Variants in SLC23A2 observed in about 807,000 individuals in gnomAD.
SLC23A2 encodes the protein Na(+)/L-ascorbic acid transporter 2.
Under a neutral mutation model 73.3 loss-of-function variants are expected in SLC23A2, and 36 were observed. The ratio of observed to expected loss-of-function variants is 0.49; its 90% CI spans 0.38 to 0.65. The LOEUF is 0.65. Among genes scored for constraint, SLC23A2 ranks in the 30% least tolerant of loss-of-function variants. The probability of loss-of-function intolerance (pLI) is 0.00; values close to 1 mark genes in which losing one functional copy is unlikely to be tolerated. For synonymous variants in SLC23A2, 343 were observed against 327.3 expected (o/e 1.05, Z -0.52); for missense variants, 507 against 841.6 (o/e 0.60, Z 4.92).
At chr20:4,865,832 T>C (rs1366276215) in intron 13 of SLC23A2, among the ~76,000 whole-genome samples, 2 of 152,064 alleles carry the variant, frequency 1.3e-5, no homozygotes, top group African/African-American at 2.4e-5. Flanking sequence ...TTATATATTT[T>C]TTTTTATTTT....
chr20:4,933,343 C>T lies in SLC23A2; in HGVS notation c.-154-627G>A, dbSNP rs150043106. On this transcript the variant is annotated intron_variant, in intron 2 of 16. Transcript: ENST00000338244. Reference sequence around the variant, plus strand: ...AGGTTGCCAGGCGCAGTGGCTCATACCTATACTCCCAGCACTTTGGGAAGC... The same window carrying T: ...AGGTTGCCAGGCGCAGTGGCTCATATCTATACTCCCAGCACTTTGGGAAGC... Among the ~76,000 whole-genome samples the T allele has an allele frequency of 3.5e-4, 53 of 152,096 alleles. No individual in the cohort carries two copies. In the East Asian group the frequency reaches 9.8e-3, roughly 28 times the overall value.
chr20:4,996,981 A>G (rs566642263), intron 1 of SLC23A2, among the ~76,000 whole-genome samples: 2 of 152,212 alleles, frequency 1.3e-5, no homozygotes, highest in African/African-American at 4.8e-5. Context: ...ACAACTTAAC[A>G]TGGCCTAAAC....
intron 2 of SLC23A2, among the ~76,000 whole-genome samples, chr20:4,961,036 G>C (rs2087373611): frequency 6.6e-6 from 1 of 152,048 alleles, no homozygotes; most frequent in African/African-American, 2.4e-5. Flanking sequence ...CAGACAGGAA[G>C]GAGGCTTATT....
At chr20:4,879,032 T>G (rs555023438) in intron 9 of SLC23A2, among the ~76,000 whole-genome samples, 5 of 152,338 alleles carry the variant, frequency 3.3e-5, no homozygotes, top group African/African-American at 1.2e-4. Flanking sequence ...CAAGCTTATT[T>G]AAGTTCCTGA....
chr20:4,930,224 T>TA (rs2122937820), intron 3 of SLC23A2, among the ~76,000 whole-genome samples: 1 of 152,182 alleles, frequency 6.6e-6, no homozygotes, highest in East Asian at 1.9e-4. Context: ...GGCTGTAAGA[T>TA]AAAATAAAGC....
At chr20:4,881,661 T>A (rs1846138052) in intron 9 of SLC23A2, among the ~76,000 whole-genome samples, 1 of 152,200 alleles carries the variant, frequency 6.6e-6, no homozygotes. Flanking sequence ...TCTGTATCTT[T>A]ATTAATTCGT....
At position 4,857,283 on chromosome 20, in the gene SLC23A2, TACACACAC is replaced by T. The variant is rs398035250; in HGVS notation, c.1721-87_1721-80del. ...GAAAATGAAACTGTCGTCAAACACA[TACACACAC>T]ACACACACACACACACACACACACA... On this transcript the variant is annotated intron_variant, in intron 16 of 16. Transcript: ENST00000338244. The surrounding 1 kb of genome is among the most constrained non-coding windows in gnomAD (Gnocchi z 4.0). 31,644 of 418,564 alleles carry T rather than the reference TACACACAC, an allele frequency of 0.076. 437 individuals carry two copies. Among genetic ancestry groups the T allele is most frequent in the Admixed American group, 0.087 (2,152 of 24,724 alleles). 25.9% of individuals were successfully genotyped at this position (418,564 alleles called of 1,614,324 possible). A position where few individuals can be genotyped will look rare whatever the true frequency, so the allele number is the denominator to read the frequency against.
intron 2 of SLC23A2, among the ~76,000 whole-genome samples, chr20:4,939,639 A>G (rs1427721986): frequency 6.6e-6 from 1 of 152,208 alleles, no homozygotes; most frequent in Admixed American, 6.5e-5. Context: ...TGGTTTTTAC[A>G]TGTTTAAAGG....
intron 11 of SLC23A2, among the ~76,000 whole-genome samples, chr20:4,873,290 G>T (rs1430130937): frequency 2.0e-5 from 3 of 152,072 alleles, no homozygotes. Flanking sequence ...CCAGACGCCG[G>T]GACTAGAGTC....
intron 3 of SLC23A2, among the ~76,000 whole-genome samples, chr20:4,913,751 C>T (rs1352533546): frequency 2.6e-5 from 4 of 151,884 alleles, no homozygotes; most frequent in East Asian, 1.9e-4. Context: ...CTCAGCCTCC[C>T]GAGTAGCTGG....
At chr20:4,925,105 C>A (rs960194303) in intron 3 of SLC23A2, among the ~76,000 whole-genome samples, 3 of 151,932 alleles carry the variant, frequency 2.0e-5, no homozygotes, top group African/African-American at 7.3e-5. Context: ...ATGGCTTAAA[C>A]CCAGGAGGTT....
chr20:4,971,299 AAC>A (rs35758430), intron 1 of SLC23A2, among the ~76,000 whole-genome samples: 13,647 of 141,586 alleles, frequency 0.096, 1,288 homozygotes, highest in African/African-American at 0.26. Flanking sequence ...GTCTCTACAA[AAC>A]ACACACACAC....
At chr20:4,945,623 A>C (rs79964405) in intron 2 of SLC23A2, among the ~76,000 whole-genome samples, 1 of 152,204 alleles carries the variant, frequency 6.6e-6, no homozygotes, top group African/African-American at 2.4e-5. Flanking sequence ...ACCTACTAGT[A>C]GGTCATGAAA....
At chr20:4,859,513 T>C in intron 15 of SLC23A2, 129 bp from the exon 16 acceptor site, 1 of 700,492 alleles carries the variant, frequency 1.4e-6, no homozygotes, top group Non-Finnish European at 2.6e-6. Flanking sequence ...GTACATTTCT[T>C]AGTTGTGCAC....
intron 2 of SLC23A2, among the ~76,000 whole-genome samples, chr20:4,935,311 A>C (rs1254075385): frequency 2.6e-5 from 4 of 152,152 alleles, no homozygotes; most frequent in African/African-American, 7.2e-5. Context: ...TGATGTTTAC[A>C]GCATCCAGAG....
intron 3 of SLC23A2, among the ~76,000 whole-genome samples, chr20:4,927,716 C>T (rs1183415273): frequency 2.0e-5 from 3 of 152,184 alleles, no homozygotes; most frequent in African/African-American, 7.2e-5. Flanking sequence ...TGATGAGAAT[C>T]CGAAACATCT....
At chr20:4,985,792 C>T (rs145098371) in intron 1 of SLC23A2, among the ~76,000 whole-genome samples, 124 of 152,186 alleles carry the variant, frequency 8.1e-4, no homozygotes, top group Non-Finnish European at 1.4e-3. Flanking sequence ...CAGAAGAGAA[C>T]ATCTATAGAA....
chr20:4,874,308 A>G (rs906130577), intron 10 of SLC23A2, among the ~76,000 whole-genome samples: 1 of 152,216 alleles, frequency 6.6e-6, no homozygotes, highest in African/African-American at 2.4e-5. Context: ...AAGAATGGAC[A>G]TCGTGCCTGC....
Position 4,922,684 on chromosome 20 carries a change from TGG to T in SLC23A2, c.109-9708_109-9707del, listed in dbSNP as rs1932535262. On this transcript the variant is annotated intron_variant, in intron 3 of 16. Coordinates refer to ENST00000338244, the MANE Select transcript of SLC23A2 (RefSeq NM_005116.6). ...TCTACCAAAAAATACGAAAATTAGC[TGG>T]GCATGGTCGTGCATGCCTGTAGTCC... Among the ~76,000 whole-genome samples, 3 of 152,020 alleles carry T rather than the reference TGG, an allele frequency of 2.0e-5. No individual in the cohort carries two copies. In the South Asian group the frequency reaches 6.2e-4, roughly 32 times the overall value.
Sources: allele counts gnomAD v4.1 joint callset (sites outside exome capture counted in the v4.1 genomes callset), GRCh38; gene constraint gnomAD v4.1.1; non-coding constraint Gnocchi (gnomAD v3.1); transcripts MANE v1.5; gene names NCBI Gene and HGNC (gene_info 2026-07-23, HGNC 2026-07-21).